MAJIN: variants seen among roughly 807,000 people sequenced by gnomAD.
The protein encoded by MAJIN is membrane anchored junction protein.
Under a neutral mutation model 30.2 loss-of-function variants are expected in MAJIN, and 27 were observed. That is an observed-to-expected ratio of 0.89 (90% CI 0.66 to 1.23). MAJIN has a LOEUF of 1.23. Among genes scored for constraint, MAJIN ranks in the 50% most tolerant of loss-of-function variants. The pLI is 0.00. For missense variants in MAJIN, 253 were observed against 260.3 expected, an observed-to-expected ratio of 0.97 and a Z score of 0.19; for synonymous variants, 78 against 91.6, an observed-to-expected ratio of 0.85 and a Z score of 0.85.
rs971680012 is a variant in MAJIN at position 64,949,785 on chromosome 11, G to C, written c.307C>G (p.Leu103Val). Residue 103 changes from leucine (L) to valine (V), a missense_variant, in exon 6 of 11, where the codon CTA becomes GTA. By Grantham distance (32) the Leu-to-Val change is conservative. Transcript: ENST00000301896. ...TGGAACCATTTCATCTCCACATATAGAGTAAAAACAAATGGGTAGGGGATC... is the reference window on the plus strand; with the variant it reads ...TGGAACCATTTCATCTCCACATATACAGTAAAAACAAATGGGTAGGGGATC... ...ILIPYPFVFT[L>V]YVEMKWFHEN... 6 of 1,612,478 alleles carry C rather than the reference G, an allele frequency of 3.7e-6. No individual in the cohort carries two copies. Among genetic ancestry groups the C allele is most frequent in the South Asian group, 1.1e-5 (1 of 91,080 alleles).
chr11:64,948,075 G>A (rs1945479332), intron 6 of MAJIN, among the ~76,000 whole-genome samples: 1 of 151,886 alleles, frequency 6.6e-6, no homozygotes, highest in African/African-American at 2.4e-5. Flanking sequence ...TGGCCAGGTT[G>A]GTCTCAAACT....
chr11:64,953,620 G>T (rs947515599), intron 4 of MAJIN, among the ~76,000 whole-genome samples: 2 of 152,080 alleles, frequency 1.3e-5, no homozygotes, highest in Non-Finnish European at 2.9e-5. Flanking sequence ...ATGAAACCCC[G>T]TCTCTACTAA....
intron 1 of MAJIN, among the ~76,000 whole-genome samples, chr11:64,964,925 T>C (rs1036289861): frequency 2.0e-5 from 3 of 152,132 alleles, no homozygotes; most frequent in African/African-American, 7.2e-5. Context: ...AGAATTATAA[T>C]TTTGGACATA....
chr11:64,959,093 CAAAAAAAAAA>C (rs34562472), intron 3 of MAJIN, among the ~76,000 whole-genome samples: 3 of 53,584 alleles, frequency 5.6e-5, no homozygotes, highest in East Asian at 5.7e-4. Context: ...TGCTTCTCTT[CAAAAAAAAAA>C]AAAAAAAAAA....
chr11:64,963,807 C>T (rs1190887503), intron 1 of MAJIN, among the ~76,000 whole-genome samples: 1 of 152,152 alleles, frequency 6.6e-6, no homozygotes, highest in Non-Finnish European at 1.5e-5. Context: ...CCACTGCACT[C>T]CAGCCTGGGC....
chr11:64,953,069 A>G (rs1007078076), intron 4 of MAJIN, among the ~76,000 whole-genome samples: 1 of 152,186 alleles, frequency 6.6e-6, no homozygotes, highest in African/African-American at 2.4e-5. Flanking sequence ...TAGTGAGCAT[A>G]AGAGAAAGAT....
chr11:64,966,516 C>T (rs1461814900), intron 1 of MAJIN, among the ~76,000 whole-genome samples: 1 of 151,968 alleles, frequency 6.6e-6, no homozygotes, highest in Non-Finnish European at 1.5e-5. Flanking sequence ...GCCTGGGCAA[C>T]ACAGAGTGAG....
At chr11:64,946,809 AAAG>A (rs1182073656) in intron 8 of MAJIN, among the ~76,000 whole-genome samples, 2 of 152,158 alleles carry the variant, frequency 1.3e-5, no homozygotes, top group African/African-American at 2.4e-5. Flanking sequence ...TAGAGAATTG[AAAG>A]AAGAACATAA....
At chr11:64,939,949 A>C (rs1308752013) in intron 9 of MAJIN, 182 bp from the exon 10 acceptor site, 1 of 509,330 alleles carries the variant, frequency 2.0e-6, no homozygotes, top group East Asian at 3.4e-5. Context: ...TGCTATTCTG[A>C]CCTCAGAGTA....
At chr11:64,943,186 G>A (rs905359166) in intron 8 of MAJIN, among the ~76,000 whole-genome samples, 8 of 152,178 alleles carry the variant, frequency 5.3e-5, no homozygotes, top group Non-Finnish European at 1.0e-4. Context: ...AGTGCAGTTC[G>A]AACAGATATA....
At chr11:64,950,062 G>C (rs570413326) in intron 5 of MAJIN, among the ~76,000 whole-genome samples, 194 bp from the exon 6 acceptor site, 1 of 152,294 alleles carries the variant, frequency 6.6e-6, no homozygotes, top group Non-Finnish European at 1.5e-5. Context: ...GGGCGCAGTG[G>C]CTCATGGCTG....
chr11:64,944,267 C>A (rs1945417670), intron 8 of MAJIN, among the ~76,000 whole-genome samples: 1 of 152,218 alleles, frequency 6.6e-6, no homozygotes, highest in Non-Finnish European at 1.5e-5. Flanking sequence ...TCTCCAGTAA[C>A]ATTTCTCAGC....
At chr11:64,940,698 G>A in intron 8 of MAJIN, 52 bp from the exon 9 acceptor site, 1 of 1,518,122 alleles carries the variant, frequency 6.6e-7, no homozygotes, top group Non-Finnish European at 9.1e-7. Context: ...TACACTGCAT[G>A]GCAATCTGAA....
At chr11:64,966,440 TAGG>T (rs1270476133) in intron 1 of MAJIN, among the ~76,000 whole-genome samples, 1 of 150,992 alleles carries the variant, frequency 6.6e-6, no homozygotes, top group Non-Finnish European at 1.5e-5. Flanking sequence ...GAGGCTGAGG[TAGG>T]AGAATTGCTT....
chr11:64,943,057 A>G (rs1027224043), intron 8 of MAJIN, among the ~76,000 whole-genome samples: 2 of 152,144 alleles, frequency 1.3e-5, no homozygotes, highest in African/African-American at 4.8e-5. Context: ...TAAGAGAGAG[A>G]AAACATTATA....
At chr11:64,939,960 T>A (rs781197339) in intron 9 of MAJIN, 193 bp from the exon 10 acceptor site, 18 of 488,844 alleles carry the variant, frequency 3.7e-5, no homozygotes, top group Non-Finnish European at 5.8e-5. Flanking sequence ...CCTCAGAGTA[T>A]TTTCAGTCAA....
At chr11:64,949,373 T>C (rs749997022) in intron 6 of MAJIN, among the ~76,000 whole-genome samples, 25 of 152,078 alleles carry the variant, frequency 1.6e-4, no homozygotes, top group Non-Finnish European at 2.9e-4. Flanking sequence ...AGCTCTAAAG[T>C]GAAAATCATA....
chr11:64,953,999 T>C (rs1945594175), intron 4 of MAJIN: 1 of 153,532 alleles, frequency 6.5e-6, no homozygotes, highest in Admixed American at 6.5e-5. Flanking sequence ...TGCTTTGAAA[T>C]GTGGAGGCAT....
chr11:64,953,609 G>A (rs1442512179), intron 4 of MAJIN, among the ~76,000 whole-genome samples: 1 of 152,160 alleles, frequency 6.6e-6, no homozygotes, highest in African/African-American at 2.4e-5. Flanking sequence ...TGGCCAACAT[G>A]ATGAAACCCC....
Sources: gnomAD v4.1 joint callset for allele counts (sites outside exome capture counted in the v4.1 genomes callset) on GRCh38, gnomAD v4.1.1 for gene constraint, MANE v1.5 for transcripts, NCBI Gene and HGNC (gene_info 2026-07-23, HGNC 2026-07-21) for gene names.